KRABD2: variants seen among roughly 807,000 people sequenced by gnomAD.
The protein encoded by KRABD2 is KRAB domain-containing protein 2.
At chr17:8,358,856 A>G in the KRABD2 span, among the ~76,000 whole-genome samples, 1 of 152,132 alleles carries the variant, frequency 6.6e-6, no homozygotes, top group Non-Finnish European at 1.5e-5. Context: ...TATTTCCTAA[A>G]AACAAGGACA....
the KRABD2 span, chr17:8,371,332 C>T: frequency 5.0e-5 from 80 of 1,613,020 alleles, no homozygotes; most frequent in African/African-American, 7.5e-4. Flanking sequence ...GTTCTCATAA[C>T]TGTCCAGCAT....
At chr17:8,370,178 A>G in the KRABD2 span, 6 of 1,612,662 alleles carry the variant, frequency 3.7e-6, no homozygotes, top group South Asian at 1.1e-5. Flanking sequence ...CTTTTTCTTT[A>G]GCTTCTTTAA....
chr17:8,366,531 C>T, the KRABD2 span, among the ~76,000 whole-genome samples: 4 of 152,304 alleles, frequency 2.6e-5, no homozygotes, highest in South Asian at 6.2e-4. Context: ...CAAATTCCAA[C>T]CATACTTTAC....
At chr17:8,372,037 G>C in the KRABD2 span, 2 of 985,560 alleles carry the variant, frequency 2.0e-6, no homozygotes, top group East Asian at 1.1e-4. This position sits in a 1 kb window ranked among gnomAD's most constrained non-coding sequence, Gnocchi z 4.1. Flanking sequence ...ACAGGATCCC[G>C]AGATCCCAGC....
At chr17:8,371,163 G>C in the KRABD2 span, 5 of 668,850 alleles carry the variant, frequency 7.5e-6, no homozygotes, top group Admixed American at 8.8e-5. Flanking sequence ...AAGCGAGACT[G>C]TTTCAAAAAA....
the KRABD2 span, among the ~76,000 whole-genome samples, chr17:8,373,162 TCTCC>T: frequency 6.6e-6 from 1 of 151,038 alleles, no homozygotes; most frequent in African/African-American, 2.5e-5. Flanking sequence ...TCCGTCTCCG[TCTCC>T]GTCTCCGTCT....
chr17:8,374,039 A>G, the KRABD2 span, among the ~76,000 whole-genome samples: 9 of 144,254 alleles, frequency 6.2e-5, no homozygotes, highest in South Asian at 1.8e-3. Flanking sequence ...TCCGGGAGGG[A>G]GGTGGGGGGC....
the KRABD2 span, among the ~76,000 whole-genome samples, chr17:8,374,160 C>T: frequency 5.9e-5 from 9 of 152,132 alleles, no homozygotes; most frequent in South Asian, 2.1e-4. Context: ...GCCATGGTGA[C>T]GATGGCGGTT....
the KRABD2 span, among the ~76,000 whole-genome samples, chr17:8,358,875 C>G: frequency 6.6e-6 from 1 of 152,164 alleles, no homozygotes; most frequent in South Asian, 2.1e-4. Flanking sequence ...CATTCTCTTA[C>G]ATAACCACAG....
chr17:8,376,494 CCTT>C, the KRABD2 span: 21 of 1,003,932 alleles, frequency 2.1e-5, no homozygotes, highest in Non-Finnish European at 2.4e-5. Context: ...GATGTCGCCT[CCTT>C]TGTGTAGCCT....
At chr17:8,376,266 C>G in the KRABD2 span, 3 of 1,229,012 alleles carry the variant, frequency 2.4e-6, no homozygotes, top group East Asian at 6.3e-5. Context: ...GCCGAGTCTA[C>G]GCTTGGGAAT....
the KRABD2 span, among the ~76,000 whole-genome samples, chr17:8,360,393 A>G: frequency 6.6e-6 from 1 of 152,184 alleles, no homozygotes; most frequent in Non-Finnish European, 1.5e-5. Flanking sequence ...TTGCTCAGGA[A>G]GCTCACATTT....
chr17:8,359,607 T>C, the KRABD2 span: 1 of 455,940 alleles, frequency 2.2e-6, no homozygotes, highest in Non-Finnish European at 4.4e-6. Context: ...TAAGGAGAGC[T>C]GGTCCAGGAA....
chr17:8,370,201 T>A, the KRABD2 span: 4 of 1,613,134 alleles, frequency 2.5e-6, no homozygotes, highest in Middle Eastern at 3.3e-4. Flanking sequence ...TCCTTTATTG[T>A]TTGAAAGTAC....
At chr17:8,370,088 C>T in the KRABD2 span, 3 of 1,614,080 alleles carry the variant, frequency 1.9e-6, no homozygotes, top group Non-Finnish European at 2.5e-6. Context: ...CATGAGTAGC[C>T]TCTATCAGTT....
At chr17:8,376,514 C>T in the KRABD2 span, 1 of 993,410 alleles carries the variant, frequency 1.0e-6, no homozygotes. Context: ...GCCTTCCTAC[C>T]CTGACTTCGC....
the KRABD2 span, chr17:8,359,448 C>A: frequency 1.3e-4 from 50 of 381,474 alleles, no homozygotes; most frequent in Non-Finnish European, 2.4e-4. Context: ...TACAGACTTA[C>A]AAGTCTTTAC....
the KRABD2 span, among the ~76,000 whole-genome samples, chr17:8,374,742 CG>C: frequency 1.3e-5 from 2 of 149,940 alleles, no homozygotes; most frequent in African/African-American, 4.9e-5. Context: ...GTCAGGAGAT[CG>C]AGACCATCCT....
At chr17:8,369,120 C>T in the KRABD2 span, 1 of 1,601,038 alleles carries the variant, frequency 6.2e-7, no homozygotes, top group African/African-American at 1.3e-5. Flanking sequence ...ACTGTCCACC[C>T]AGCAGCCATC....
Sources: allele counts gnomAD v4.1 joint callset (sites outside exome capture counted in the v4.1 genomes callset), GRCh38; gene constraint gnomAD v4.1.1; non-coding constraint Gnocchi (gnomAD v3.1); transcripts MANE v1.5; gene names NCBI Gene and HGNC (gene_info 2026-07-23, HGNC 2026-07-21).